Variants in NCOA1 observed in about 807,000 individuals in gnomAD.
NCOA1 encodes the protein nuclear receptor coactivator 1, also known as Hin-2 protein.
In NCOA1, 35 loss-of-function variants were observed where a neutral mutation model predicts 150.9. The observed-to-expected ratio is 0.23, with a 90% CI of 0.18 to 0.31. The LOEUF (loss-of-function observed/expected upper bound fraction) is 0.31. NCOA1 is among the 10% of genes least tolerant of loss of function. The pLI is 1.00. For synonymous variants in NCOA1, 590 were observed against 630.0 expected (o/e 0.94, Z 0.95); for missense variants, 1,491 against 1,749.3 (o/e 0.85, Z 2.63).
At chr2:24,695,323 C>T (rs1402601933) in intron 10 of NCOA1, among the ~76,000 whole-genome samples, 1 of 152,036 alleles carries the variant, frequency 6.6e-6, no homozygotes, top group African/African-American at 2.4e-5. Context: ...ATCACAGAAT[C>T]CAACCTAGAT....
intron 6 of NCOA1, among the ~76,000 whole-genome samples, chr2:24,670,243 C>T (rs1168023577): frequency 2.0e-5 from 3 of 152,136 alleles, no homozygotes; most frequent in Non-Finnish European, 4.4e-5. Context: ...GAAAACAGTC[C>T]AACAGTTTCT....
At chr2:24,581,050 C>T (rs1667174446) in intron 2 of NCOA1, among the ~76,000 whole-genome samples, 1 of 152,198 alleles carries the variant, frequency 6.6e-6, no homozygotes, top group Non-Finnish European at 1.5e-5. Context: ...TTCTTTGTTA[C>T]TGCTGGTCAT....
rs1346772228 is a variant in NCOA1, at chr2:24,770,620, A to C, written c.*2229A>C. 2.5e-5 allele frequency: 5 copies of C among 202,920 alleles called. No homozygotes were observed. The highest frequency in any genetic ancestry group is 1.7e-3 in the Middle Eastern group (1 of 602). 12.6% of individuals were successfully genotyped at this position (202,920 alleles called of 1,614,324 possible). Reference sequence around the variant, plus strand: ...GTTGCCTCTTCATTTACAGGGAAGAAATGAAATGTACATCTGCAGAAATTG... The same window carrying C: ...GTTGCCTCTTCATTTACAGGGAAGACATGAAATGTACATCTGCAGAAATTG... On this transcript the variant is annotated 3_prime_UTR_variant, in exon 23 of 23. Coordinates refer to ENST00000348332, the MANE Select transcript of NCOA1 (RefSeq NM_003743.5).
At chr2:24,519,540 T>C (rs760435163) in intron 1 of NCOA1, among the ~76,000 whole-genome samples, 9 of 151,746 alleles carry the variant, frequency 5.9e-5, no homozygotes, top group Admixed American at 6.6e-5. Context: ...GAAAACACGG[T>C]TGGGCATGGT....
intron 1 of NCOA1, among the ~76,000 whole-genome samples, chr2:24,523,605 CAAAAAAAAAAAAAAAAAAAAAAA>C (rs979559677): frequency 1.7e-4 from 3 of 17,694 alleles, no homozygotes; most frequent in Non-Finnish European, 3.8e-4. Flanking sequence ...GACTCCGTCT[CAAAAAAAAAAAAAAAAAAAAAAA>C]AAGAAACTGG....
At chr2:24,690,057 C>A (rs1261639147) in intron 8 of NCOA1, among the ~76,000 whole-genome samples, 1 of 152,150 alleles carries the variant, frequency 6.6e-6, no homozygotes, top group Non-Finnish European at 1.5e-5. Flanking sequence ...ATGATTCTTT[C>A]TATTAAAATC....
chr2:24,568,068 C>G (rs1666586845), intron 2 of NCOA1, among the ~76,000 whole-genome samples: 1 of 152,178 alleles, frequency 6.6e-6, no homozygotes, highest in African/African-American at 2.4e-5. Flanking sequence ...TATATCTCCT[C>G]ACTGTTTTTC....
intron 12 of NCOA1, 72 bp downstream of exon 12, chr2:24,705,305 A>G (rs1385000542): frequency 3.4e-6 from 5 of 1,468,682 alleles, no homozygotes; most frequent in Non-Finnish European, 4.7e-6. Flanking sequence ...AATTTTTTAT[A>G]CTCTTGATGG....
chr2:24,662,554 T>C (rs1007773191), intron 5 of NCOA1, among the ~76,000 whole-genome samples: 1 of 152,122 alleles, frequency 6.6e-6, no homozygotes, highest in African/African-American at 2.4e-5. Context: ...AAATAAATAA[T>C]CATAATCAAA....
chr2:24,751,737 G>A (rs144439535), intron 19 of NCOA1, among the ~76,000 whole-genome samples: 10 of 152,276 alleles, frequency 6.6e-5, no homozygotes, highest in Admixed American at 5.9e-4. Flanking sequence ...TGAATGGAAA[G>A]CATTATTCCG....
chr2:24,635,186 C>T (rs1184884331), intron 3 of NCOA1, among the ~76,000 whole-genome samples: 2 of 151,988 alleles, frequency 1.3e-5, no homozygotes, highest in African/African-American at 4.8e-5. Flanking sequence ...CATATTTCTC[C>T]TGTCTTTTTT....
At chr2:24,540,554 G>A (rs1047203484) in intron 1 of NCOA1, among the ~76,000 whole-genome samples, 1 of 151,958 alleles carries the variant, frequency 6.6e-6, no homozygotes. Flanking sequence ...TGCCTCCCAG[G>A]TTCAAGTGAT....
At chr2:24,612,872 T>C (rs1668691310) in intron 3 of NCOA1, among the ~76,000 whole-genome samples, 1 of 152,182 alleles carries the variant, frequency 6.6e-6, no homozygotes, top group Admixed American at 6.5e-5. Context: ...TTGAATTCTT[T>C]ATCTGTCATA....
chr2:24,629,040 T>A (rs146046093), intron 3 of NCOA1, among the ~76,000 whole-genome samples: 231 of 152,158 alleles, frequency 1.5e-3, no homozygotes, highest in Middle Eastern at 6.8e-3. Flanking sequence ...TAAAGGGTGG[T>A]GATATCTAGG....
chr2:24,525,546 A>C (rs1056089035), intron 1 of NCOA1, among the ~76,000 whole-genome samples: 1 of 151,596 alleles, frequency 6.6e-6, no homozygotes, highest in Non-Finnish European at 1.5e-5. Context: ...TTATGTTAGA[A>C]AGTTCTTTTT....
At position 24,706,814 on chromosome 2, in the gene NCOA1, G is replaced by C; in HGVS notation, c.1344G>C (p.Gln448His). The C allele has an allele frequency of 6.2e-7, 1 of 1,614,208 alleles. No individual in the cohort carries two copies. Among genetic ancestry groups the C allele is most frequent in the Non-Finnish European group, 8.5e-7 (1 of 1,180,036 alleles). ...GTTTCGGATGCTCACCCGGAAGTCA[G>C]ATTGTAGCCAATGTTGCCTTAAACC... ...QGSFGCSPGS[Q>H]IVANVALNQG... is the part of the protein sequence containing the mutation. The change falls in exon 13 of 23, where the codon CAG becomes CAC. Residue 448 changes from glutamine (Q) to histidine (H), a missense_variant. Physicochemically the swap from Gln to His is conservative, Grantham distance 24. This residue lies in a region of NCOA1 where 703 missense variants were observed against 717.7 expected (regional missense o/e 0.98). Coordinates refer to ENST00000348332, the MANE Select transcript of NCOA1 (RefSeq NM_003743.5).
At chr2:24,610,436 C>A (rs1668571784) in intron 3 of NCOA1, among the ~76,000 whole-genome samples, 1 of 151,958 alleles carries the variant, frequency 6.6e-6, no homozygotes, top group African/African-American at 2.4e-5. Flanking sequence ...CCACAGCGCC[C>A]AGCCTTTACG....
intron 1 of NCOA1, chr2:24,556,085 C>T (rs1666056637): frequency 1.3e-5 from 2 of 152,174 alleles, no homozygotes; most frequent in Non-Finnish European, 2.9e-5. Flanking sequence ...GTTTGCTGCA[C>T]CTATCAACCC....
intron 14 of NCOA1, among the ~76,000 whole-genome samples, chr2:24,722,162 C>T (rs542960471): frequency 2.6e-5 from 4 of 152,078 alleles, no homozygotes; most frequent in Non-Finnish European, 5.9e-5. Context: ...TAGAATAAAC[C>T]AGGATTTAAA....
Sources: allele counts gnomAD v4.1 joint callset (sites outside exome capture counted in the v4.1 genomes callset), GRCh38; gene constraint gnomAD v4.1.1; regional missense constraint gnomAD v4.1.1; transcripts MANE v1.5; gene names NCBI Gene and HGNC (gene_info 2026-07-23, HGNC 2026-07-21).